SGMS1: variants seen among roughly 807,000 people sequenced by gnomAD.
The protein encoded by SGMS1 is phosphatidylcholine:ceramide cholinephosphotransferase 1.
SGMS1 carries 13 observed loss-of-function variants against 46.2 expected under a neutral mutation model. The observed-to-expected ratio is 0.28, with a 90% confidence interval of 0.18 to 0.45. The LOEUF (loss-of-function observed/expected upper bound fraction) is 0.45. Ranked by LOEUF, SGMS1 falls within the 20% of genes least tolerant of loss-of-function variation. SGMS1 has a pLI of 1.00. For synonymous variants in SGMS1, 203 were observed against 187.8 expected, an observed-to-expected ratio of 1.08 and a Z score of -0.66; for missense variants, 324 against 519.9, an observed-to-expected ratio of 0.62 and a Z score of 3.66.
chr10:50,462,745 T>G (rs993310529), intron 4 of SGMS1, among the ~76,000 whole-genome samples: 1 of 152,106 alleles, frequency 6.6e-6, no homozygotes, highest in Non-Finnish European at 1.5e-5. Flanking sequence ...AAAAAAGATA[T>G]AAATCCATAA....
At chr10:50,551,898 C>G (rs1198308930) in intron 2 of SGMS1, among the ~76,000 whole-genome samples, 2 of 152,146 alleles carry the variant, frequency 1.3e-5, no homozygotes, top group Non-Finnish European at 2.9e-5. Flanking sequence ...CCTCCCTGAT[C>G]AAAACCCTTT....
chr10:50,518,259 A>G (rs1837826360), intron 3 of SGMS1, among the ~76,000 whole-genome samples: 1 of 152,186 alleles, frequency 6.6e-6, no homozygotes, highest in African/African-American at 2.4e-5. Context: ...TAAAACTTCT[A>G]TGTGTGCACA....
chr10:50,547,872 G>A (rs1179929383), intron 2 of SGMS1, among the ~76,000 whole-genome samples: 2 of 152,290 alleles, frequency 1.3e-5, no homozygotes, highest in East Asian at 3.9e-4. Context: ...TTCCTGGGAT[G>A]CAAGTTTGGT....
intron 6 of SGMS1, among the ~76,000 whole-genome samples, chr10:50,432,280 A>G (rs1336236555): frequency 6.8e-6 from 1 of 146,110 alleles, no homozygotes; most frequent in Non-Finnish European, 1.5e-5. Flanking sequence ...AAAATAAATC[A>G]TACTAAAAAC....
chr10:50,623,859 G>C lies in SGMS1; in HGVS notation c.-836C>G, dbSNP rs1402791520. The C allele has an allele frequency of 6.1e-6, 6 of 985,728 alleles. No individual in the cohort carries two copies. The highest frequency in any genetic ancestry group is 7.2e-6 in the Non-Finnish European group (6 of 830,372). The allele number at this position is 985,728 out of a possible 1,614,324, so 61.1% of individuals were successfully genotyped here. A position where few individuals can be genotyped will look rare whatever the true frequency, so the allele number is the denominator to read the frequency against. On this transcript the variant is annotated 5_prime_UTR_variant, in exon 1 of 11. Coordinates refer to ENST00000361781, the MANE Select transcript of SGMS1 (RefSeq NM_147156.4). ...GAGGGGAGAGCAGTCAGCCCAGGCC[G>C]GTCCTTCTCACTCCCGACCTGCCCG... is the stretch of plus-strand genomic sequence containing the variant.
chr10:50,430,284 G>A (rs189685240), intron 6 of SGMS1, among the ~76,000 whole-genome samples: 26 of 152,134 alleles, frequency 1.7e-4, no homozygotes, highest in Admixed American at 5.9e-4. Context: ...TATAGACTAC[G>A]TACACATGGA....
intron 6 of SGMS1, among the ~76,000 whole-genome samples, chr10:50,360,395 G>A (rs1447245644): frequency 3.3e-5 from 5 of 151,988 alleles, no homozygotes; most frequent in African/African-American, 1.2e-4. Flanking sequence ...CTGCAAAACA[G>A]CAAAGCCTTT....
At chr10:50,441,173 C>T (rs1041979072) in intron 5 of SGMS1, among the ~76,000 whole-genome samples, 2 of 152,184 alleles carry the variant, frequency 1.3e-5, no homozygotes, top group Non-Finnish European at 2.9e-5. Context: ...AATAGTTCAG[C>T]CTTCTCTCCC....
chr10:50,385,994 C>G (rs1848676154), intron 6 of SGMS1, among the ~76,000 whole-genome samples: 1 of 152,066 alleles, frequency 6.6e-6, no homozygotes, highest in Admixed American at 6.6e-5. Flanking sequence ...CATAGGACAT[C>G]AAAAATTTTT....
intron 2 of SGMS1, among the ~76,000 whole-genome samples, chr10:50,547,842 T>C (rs1361330774): frequency 6.6e-6 from 1 of 152,126 alleles, no homozygotes; most frequent in Non-Finnish European, 1.5e-5. Context: ...AGCTTATCCA[T>C]GATAATCAAG....
At chr10:50,444,739 C>T (rs1836986606) in intron 5 of SGMS1, among the ~76,000 whole-genome samples, 1 of 151,518 alleles carries the variant, frequency 6.6e-6, no homozygotes, top group Non-Finnish European at 1.5e-5. Context: ...AAAAAAAATA[C>T]TTTGAGAGAG....
chr10:50,495,073 C>CA (rs35208238), intron 3 of SGMS1, among the ~76,000 whole-genome samples: 18,912 of 87,050 alleles, frequency 0.22, 2,903 homozygotes, highest in Admixed American at 0.25. Context: ...ACAAAAAATA[C>CA]AAAAAAAAAA....
chr10:50,398,080 T>A (rs1303094416), intron 6 of SGMS1, among the ~76,000 whole-genome samples: 1 of 152,206 alleles, frequency 6.6e-6, no homozygotes, highest in Non-Finnish European at 1.5e-5. Context: ...ATAGTTAATA[T>A]CATTCTGCAA....
chr10:50,500,276 G>T (rs1837651494), intron 3 of SGMS1, among the ~76,000 whole-genome samples: 1 of 152,102 alleles, frequency 6.6e-6, no homozygotes, highest in Non-Finnish European at 1.5e-5. Context: ...TAAATTCAAA[G>T]AATCTATGGG....
intron 6 of SGMS1, among the ~76,000 whole-genome samples, chr10:50,417,413 AAAAATAAAATAAAAT>A (rs140505093): frequency 0.032 from 4,767 of 149,504 alleles, 241 homozygotes; most frequent in African/African-American, 0.11. Context: ...AAACAAACAC[AAAAATAAAATAAAAT>A]AAAATAAAAT....
At chr10:50,355,067 T>C (rs1254138740) in intron 6 of SGMS1, among the ~76,000 whole-genome samples, 3 of 152,176 alleles carry the variant, frequency 2.0e-5, no homozygotes, top group African/African-American at 7.2e-5. Flanking sequence ...AGAAATATCA[T>C]TTGACCCAGC....
chr10:50,476,213 G>A (rs567181622), intron 3 of SGMS1, among the ~76,000 whole-genome samples: 9 of 149,178 alleles, frequency 6.0e-5, no homozygotes, highest in East Asian at 2.0e-4. Context: ...GGCATAGGTC[G>A]CAGTGAGCCA....
At chr10:50,587,523 C>T (rs972061847) in intron 2 of SGMS1, among the ~76,000 whole-genome samples, 3 of 152,170 alleles carry the variant, frequency 2.0e-5, no homozygotes, top group Non-Finnish European at 2.9e-5. Context: ...ATCCCAGCTA[C>T]TCGGGAGGAA....
At chr10:50,395,417 A>G (rs1265803609) in intron 6 of SGMS1, among the ~76,000 whole-genome samples, 2 of 152,174 alleles carry the variant, frequency 1.3e-5, no homozygotes, top group African/African-American at 4.8e-5. Flanking sequence ...TGGATGATTA[A>G]GCAACTGCCC....
Sources: allele counts gnomAD v4.1 joint callset (sites outside exome capture counted in the v4.1 genomes callset), GRCh38; gene constraint gnomAD v4.1.1; transcripts MANE v1.5; gene names NCBI Gene and HGNC (gene_info 2026-07-23, HGNC 2026-07-21).